Variants in SPG11 observed in about 807,000 individuals in gnomAD.
SPG11 encodes the protein spatacsin.
A neutral mutation model predicts 274.0 loss-of-function variants in SPG11; 222 were observed. The ratio of observed to expected loss-of-function variants is 0.81; its 90% confidence interval spans 0.73 to 0.91. The LOEUF (loss-of-function observed/expected upper bound fraction) is 0.91, where lower values mean the gene tolerates loss of function less well. Among genes scored for constraint, SPG11 ranks in the 40% least tolerant of loss-of-function variants. The pLI, the probability that SPG11 is intolerant of heterozygous loss-of-function variation, is 0.00. For missense variants in SPG11, 3,114 were observed against 2,872.7 expected (o/e 1.08, Z -1.92); for synonymous variants, 1,144 against 1,039.7 (o/e 1.10, Z -1.93).
At chr15:44,585,322 G>A (rs1371373070) in intron 29 of SPG11, among the ~76,000 whole-genome samples, 1 of 151,450 alleles carries the variant, frequency 6.6e-6, no homozygotes, top group Non-Finnish European at 1.5e-5. Flanking sequence ...GGGCGTGGTG[G>A]CTCACGCCTG....
rs2083794945 is a variant in SPG11 at position 44,622,930 on chromosome 15, CT to C, written c.2245-132del. ...TGTTAGAATTCCATAGCTTTCTGCTCTTTCAAACACTCATTTCCCTACTTTC... is the reference window on the plus strand; with the variant it reads ...TGTTAGAATTCCATAGCTTTCTGCTCTTCAAACACTCATTTCCCTACTTTC... On this transcript the variant is annotated intron_variant, in intron 11 of 39. Coordinates refer to ENST00000261866, the MANE Select transcript of SPG11 (RefSeq NM_025137.4). The C allele has an allele frequency of 1.4e-5, 11 of 764,294 alleles. No homozygotes were observed. In the South Asian group the frequency reaches 1.6e-4, roughly 11 times the overall value. 47.3% of individuals were successfully genotyped at this position (764,294 alleles called of 1,614,324 possible).
At chr15:44,600,003 C>A (rs1298751253) in intron 21 of SPG11, among the ~76,000 whole-genome samples, 10 of 152,158 alleles carry the variant, frequency 6.6e-5, no homozygotes, top group African/African-American at 2.4e-4. Flanking sequence ...AACGTTCTCC[C>A]TCCCTTAGAA....
chr15:44,581,041 C>G (rs572015709), intron 30 of SPG11, among the ~76,000 whole-genome samples: 1 of 152,046 alleles, frequency 6.6e-6, no homozygotes, highest in African/African-American at 2.4e-5. Flanking sequence ...TATAATCAAA[C>G]TGCTGAAGAC....
At position 44,633,525 on chromosome 15, in the gene SPG11, G is replaced by T; in HGVS notation, c.1715C>A (p.Ser572Ter). The T allele has an allele frequency of 6.2e-7, 1 of 1,601,904 alleles. No individual in the cohort carries two copies. The highest frequency in any genetic ancestry group is 1.1e-5 in the South Asian group (1 of 89,670). ...SSVSDQFDHL[S>*]SHLYLRNVEE... is the part of the protein sequence containing the mutation. The stretch of plus-strand genomic sequence containing the variant: ...CTTACTTCTTAAATATAAATGGGAT[G>T]ACAAGTGATCAAACTGATCAGATAC... Residue 572 changes from serine (S) to a stop codon, truncating the protein, a stop_gained, in exon 8 of 40, where the codon TCA becomes TAA. Coordinates refer to ENST00000261866, the MANE Select transcript of SPG11 (RefSeq NM_025137.4). LOFTEE classifies it high-confidence loss of function.
At chr15:44,578,190 A>AT (rs564990735) in intron 30 of SPG11, among the ~76,000 whole-genome samples, 1,502 of 127,804 alleles carry the variant, frequency 0.012, 23 homozygotes, top group African/African-American at 0.034. Flanking sequence ...ACGCGTGGCT[A>AT]TTTTTTTTTT....
At chr15:44,564,450 C>A in intron 39 of SPG11, 97 bp downstream of exon 39, 3 of 1,233,188 alleles carry the variant, frequency 2.4e-6, no homozygotes, top group East Asian at 2.3e-5. Context: ...TAGAGGTAAT[C>A]TAAAGGCATG....
intron 7 of SPG11, among the ~76,000 whole-genome samples, chr15:44,644,497 T>G (rs552501780): frequency 6.6e-6 from 1 of 152,154 alleles, no homozygotes; most frequent in African/African-American, 2.4e-5. Context: ...GGAAGCACTC[T>G]CTGTGAGAAC....
At chr15:44,606,744 T>C (rs1023439457) in intron 19 of SPG11, among the ~76,000 whole-genome samples, 43 of 152,188 alleles carry the variant, frequency 2.8e-4, no homozygotes, top group African/African-American at 1.0e-3. Flanking sequence ...AGAGTAGCTT[T>C]GATGTAAAAC....
At chr15:44,572,935 A>T in intron 32 of SPG11, 115 bp from the exon 33 acceptor site, 15 of 794,304 alleles carry the variant, frequency 1.9e-5, no homozygotes, top group Non-Finnish European at 2.5e-5. Flanking sequence ...CCGCTTGCTG[A>T]GCTTGAAACC....
chr15:44,608,423 T>C (rs984375228), intron 19 of SPG11, 21 bp downstream of exon 19: 31 of 1,613,140 alleles, frequency 1.9e-5, no homozygotes, highest in Middle Eastern at 1.7e-4. Context: ...GACCTAAATA[T>C]TGGCCACCTA....
At chr15:44,583,361 G>A (rs1052302378) in intron 30 of SPG11, among the ~76,000 whole-genome samples, 3 of 152,102 alleles carry the variant, frequency 2.0e-5, no homozygotes, top group Non-Finnish European at 2.9e-5. Flanking sequence ...GGGAAGCTAA[G>A]GCAGGAGAAT....
intron 4 of SPG11, among the ~76,000 whole-genome samples, chr15:44,654,289 C>T (rs2084871683): frequency 6.6e-6 from 1 of 151,898 alleles, no homozygotes. Context: ...GCAGGTGGAT[C>T]ACTTGAGGTC....
intron 18 of SPG11, 50 bp downstream of exon 18, chr15:44,610,790 C>T (rs1399145398): frequency 6.6e-7 from 1 of 1,515,558 alleles, no homozygotes; most frequent in East Asian, 2.3e-5. Flanking sequence ...ATAGATAATT[C>T]TGCTAAATTT....
At chr15:44,649,564 G>T (rs1001469916) in intron 6 of SPG11, among the ~76,000 whole-genome samples, 1 of 151,736 alleles carries the variant, frequency 6.6e-6, no homozygotes, top group African/African-American at 2.4e-5. Context: ...TGACCACAAG[G>T]CAAATTCTTA....
intron 10 of SPG11, 71 bp from the exon 11 acceptor site, chr15:44,626,578 A>G (rs2083906150): frequency 4.1e-6 from 6 of 1,476,016 alleles, no homozygotes; most frequent in Non-Finnish European, 5.6e-6. Flanking sequence ...ACATGGGATT[A>G]TACATTTATG....
Position 44,657,165 on chromosome 15 carries a change from C to A in SPG11, c.799G>T (p.Asp267Tyr), listed in dbSNP as rs1268628849. Reference sequence around the variant, plus strand: ...CTGACAATCACTGCAACATCGAGGTCTTGAGAAACTTTCAGTGAAGTAAAT... The same window carrying A: ...CTGACAATCACTGCAACATCGAGGTATTGAGAAACTTTCAGTGAAGTAAAT... ...SSFTSLKVSQ[D>Y]LDVAVIVSSS... Residue 267 changes from aspartate (D) to tyrosine (Y), a missense_variant, in exon 4 of 40, where the codon GAC becomes TAC. By Grantham distance (160) the Asp-to-Tyr change is radical. Coordinates refer to ENST00000261866, the MANE Select transcript of SPG11 (RefSeq NM_025137.4). 1.2e-6 allele frequency: 2 copies of A among 1,614,192 alleles called. No homozygotes were observed. Among genetic ancestry groups the A allele is most frequent in the Non-Finnish European group, 1.7e-6 (2 of 1,180,036 alleles).
intron 35 of SPG11, among the ~76,000 whole-genome samples, chr15:44,567,929 A>C (rs1287407227): frequency 6.6e-6 from 1 of 152,234 alleles, no homozygotes; most frequent in African/African-American, 2.4e-5. Context: ...ATTTAATAGC[A>C]AACAATGAGA....
rs560480314 is a variant in SPG11, at chr15:44,638,429, C to A, written c.1603-4792G>T. Among the ~76,000 whole-genome samples, 10 of 151,866 alleles carry A rather than the reference C, an allele frequency of 6.6e-5. No homozygotes were observed. In the South Asian group the frequency reaches 2.1e-3, roughly 32 times the overall value. On this transcript the variant is annotated intron_variant, in intron 7 of 39. Transcript: ENST00000261866. ...GAGCCAAGATCGTGCCACCTGCACTCCAGCCTGGGCGACAGAGCAAGACTC... is the reference window on the plus strand; with the variant it reads ...GAGCCAAGATCGTGCCACCTGCACTACAGCCTGGGCGACAGAGCAAGACTC...
In SPG11 at chr15:44,660,476, C is replaced by T. The variant is rs1595939884; in HGVS notation, c.398G>A (p.Cys133Tyr). 1 of 1,614,112 alleles carries T rather than the reference C, an allele frequency of 6.2e-7. No individual in the cohort carries two copies. Among genetic ancestry groups the T allele is most frequent in the Non-Finnish European group, 8.5e-7 (1 of 1,179,988 alleles). The change falls in exon 2 of 40, where the codon TGT becomes TAT. Residue 133 changes from cysteine (C) to tyrosine (Y), a missense_variant. Cys to Tyr is a radical substitution (Grantham distance 194, BLOSUM62 -2). Transcript: ENST00000261866. ...GAGCTTTTGCAATGCCTCCCTACTA[C>T]AGCTATACAAAATGGTTGCATCACA... Reference protein sequence around the residue: ...GRCDATILYSCSREALQKLID... With the variant: ...GRCDATILYSYSREALQKLID...
Sources: allele counts gnomAD v4.1 joint callset (sites outside exome capture counted in the v4.1 genomes callset), GRCh38; gene constraint gnomAD v4.1.1; transcripts MANE v1.5; gene names NCBI Gene and HGNC (gene_info 2026-07-23, HGNC 2026-07-21).